CCSER1: variants seen among roughly 807,000 people sequenced by gnomAD.
CCSER1 encodes coiled-coil serine rich protein 1.
CCSER1 carries 41 observed loss-of-function variants against 82.0 expected under a neutral mutation model. The observed-to-expected ratio is 0.50, with a 90% CI of 0.39 to 0.65. The LOEUF is 0.65. Ranked by LOEUF, CCSER1 falls within the 30% of genes least tolerant of loss-of-function variation. The pLI is 0.00. For missense variants in CCSER1, 1,119 were observed against 1,064.2 expected, an observed-to-expected ratio of 1.05 and a Z score of -0.72; for synonymous variants, 414 against 383.9, an observed-to-expected ratio of 1.08 and a Z score of -0.92.
At chr4:90,480,689 T>G (rs28789430) in intron 5 of CCSER1, among the ~76,000 whole-genome samples, 18,856 of 152,018 alleles carry the variant, frequency 0.12, 1,834 homozygotes, top group African/African-American at 0.27. Flanking sequence ...GATGGTTGCA[T>G]ATGTGTGGGA....
rs770013398 is a variant in CCSER1 at position 91,411,491 on chromosome 4, CATATATATATATATAT to C, written c.2218-187061_2218-187046del. On this transcript the variant is annotated intron_variant, in intron 10 of 10. Coordinates refer to ENST00000509176, the MANE Select transcript of CCSER1 (RefSeq NM_001145065.2). ...TAATCACTAAATTTCTGCATATATA[CATATATATATATATAT>C]ATATATATATATATATATAAAATCT... Among the ~76,000 whole-genome samples, 99 of 53,792 alleles carry C rather than the reference CATATATATATATATAT, an allele frequency of 1.8e-3. 4 individuals carry two copies. The highest frequency in any genetic ancestry group is 0.02 in the Middle Eastern group (2 of 100). The allele number at this position is 53,792 out of a possible 152,430, so 35.3% of individuals were successfully genotyped here.
At chr4:90,470,246 G>A (rs1258759669) in intron 5 of CCSER1, among the ~76,000 whole-genome samples, 1 of 152,026 alleles carries the variant, frequency 6.6e-6, no homozygotes, top group African/African-American at 2.4e-5. Flanking sequence ...AGCAGACCTG[G>A]AAGGTATATA....
intron 5 of CCSER1, among the ~76,000 whole-genome samples, chr4:90,485,168 C>G (rs771036515): frequency 4.6e-5 from 7 of 152,252 alleles, no homozygotes; most frequent in Admixed American, 3.9e-4. Context: ...GTAGGACCCT[C>G]TGAGCCAGTT....
At chr4:91,475,306 G>T (rs1234876022) in intron 10 of CCSER1, among the ~76,000 whole-genome samples, 1 of 151,686 alleles carries the variant, frequency 6.6e-6, no homozygotes, top group Non-Finnish European at 1.5e-5. Context: ...ATAGATATAG[G>T]GATAGTAAAT....
At chr4:91,123,091 C>G (rs149006363) in intron 10 of CCSER1, among the ~76,000 whole-genome samples, 1 of 151,580 alleles carries the variant, frequency 6.6e-6, no homozygotes, top group Non-Finnish European at 1.5e-5. Flanking sequence ...CATGCTTGTT[C>G]AATGATACCT....
Position 91,002,520 on chromosome 4 carries a change from T to C in CCSER1, c.2172+79073T>C, listed in dbSNP as rs577012291. 4.6e-5 allele frequency among the ~76,000 whole-genome samples: 7 copies of C among 152,348 alleles called. No individual in the cohort carries two copies. In the South Asian group the frequency reaches 1.4e-3, roughly 32 times the overall value. The stretch of plus-strand genomic sequence containing the variant: ...CTTCAAGCTCAGAAGTTCTTTATTC[T>C]GCTTGCTCCAGTCTGTTGCTGAGAA... On this transcript the variant is annotated intron_variant, in intron 9 of 10. Transcript: ENST00000509176.
intron 10 of CCSER1, among the ~76,000 whole-genome samples, chr4:91,242,988 T>C (rs1422962490): frequency 6.6e-6 from 1 of 152,196 alleles, no homozygotes; most frequent in Non-Finnish European, 1.5e-5. Flanking sequence ...TAACTTCATA[T>C]GGCTAAAAGA....
intron 1 of CCSER1, among the ~76,000 whole-genome samples, chr4:90,203,214 A>G (rs1466606481): frequency 6.6e-6 from 1 of 152,108 alleles, no homozygotes; most frequent in Non-Finnish European, 1.5e-5. Context: ...TTTTTTTATT[A>G]GACTTTAAGT....
intron 1 of CCSER1, among the ~76,000 whole-genome samples, chr4:90,183,547 A>G (rs1338522568): frequency 6.6e-6 from 1 of 152,136 alleles, no homozygotes; most frequent in Non-Finnish European, 1.5e-5. Context: ...GCACACACAC[A>G]TGCATGCACA....
chr4:90,460,490 T>A (rs1223881131), intron 4 of CCSER1, among the ~76,000 whole-genome samples: 2 of 152,028 alleles, frequency 1.3e-5, no homozygotes, highest in Non-Finnish European at 2.9e-5. Context: ...TTGGGTGATA[T>A]GAGGTAAGCC....
At chr4:91,275,029 C>T (rs1301888724) in intron 10 of CCSER1, among the ~76,000 whole-genome samples, 2 of 151,840 alleles carry the variant, frequency 1.3e-5, no homozygotes, top group African/African-American at 2.4e-5. Flanking sequence ...TGGTGTGAGC[C>T]CGGGAGGCAG....
Position 90,809,528 on chromosome 4 carries a change from A to C in CCSER1, c.2011-6234A>C, listed in dbSNP as rs1757971508. Among the ~76,000 whole-genome samples, 6 of 152,260 alleles carry C rather than the reference A, an allele frequency of 3.9e-5. No individual in the cohort carries two copies. The South Asian group carries it at 1.2e-3, about 32-fold the overall frequency. ...GTGATATAATAGACACTGGAGACTTAGAAGCAGGGAAGTGTGAAGGGAGTG... is the reference window on the plus strand; with the variant it reads ...GTGATATAATAGACACTGGAGACTTCGAAGCAGGGAAGTGTGAAGGGAGTG... On this transcript the variant is annotated intron_variant, in intron 7 of 10. Coordinates refer to ENST00000509176, the MANE Select transcript of CCSER1 (RefSeq NM_001145065.2).
intron 4 of CCSER1, among the ~76,000 whole-genome samples, chr4:90,454,582 A>G (rs2153580135): frequency 6.6e-6 from 1 of 152,170 alleles, no homozygotes; most frequent in Admixed American, 6.5e-5. Flanking sequence ...TTCCTCTTCC[A>G]TTCTCCCATT....
chr4:90,953,155 C>T (rs6851563), intron 9 of CCSER1, among the ~76,000 whole-genome samples: 31,360 of 151,688 alleles, frequency 0.21, 3,739 homozygotes, highest in Non-Finnish European at 0.26. Flanking sequence ...ATTTTGTCAT[C>T]TAGTTAACTT....
At chr4:91,107,772 G>A (rs1725765357) in intron 10 of CCSER1, among the ~76,000 whole-genome samples, 1 of 151,942 alleles carries the variant, frequency 6.6e-6, no homozygotes, top group African/African-American at 2.4e-5. Flanking sequence ...TTGTGTGTGG[G>A]AAAGACATTA....
intron 3 of CCSER1, among the ~76,000 whole-genome samples, chr4:90,322,497 A>G (rs1394954804): frequency 6.6e-6 from 1 of 151,998 alleles, no homozygotes; most frequent in African/African-American, 2.4e-5. Flanking sequence ...TTTTAGGATC[A>G]TTTTTCTATA....
intron 4 of CCSER1, among the ~76,000 whole-genome samples, chr4:90,419,262 GATACA>G (rs1270114135): frequency 6.6e-6 from 1 of 151,828 alleles, no homozygotes; most frequent in Non-Finnish European, 1.5e-5. Flanking sequence ...CTTCAAAAGG[GATACA>G]ATACCTGTTA....
At chr4:91,143,625 T>G (rs1729259281) in intron 10 of CCSER1, among the ~76,000 whole-genome samples, 1 of 152,134 alleles carries the variant, frequency 6.6e-6, no homozygotes, top group Admixed American at 6.6e-5. Flanking sequence ...AGATGGCTCT[T>G]ATTATTTTAA....
intron 7 of CCSER1, among the ~76,000 whole-genome samples, chr4:90,738,630 G>A (rs956903688): frequency 6.6e-6 from 1 of 152,062 alleles, no homozygotes; most frequent in African/African-American, 2.4e-5. Flanking sequence ...TATGACCAAT[G>A]CCTGGCTATC....
Sources: allele counts gnomAD v4.1 joint callset (sites outside exome capture counted in the v4.1 genomes callset), GRCh38; gene constraint gnomAD v4.1.1; transcripts MANE v1.5; gene names NCBI Gene and HGNC (gene_info 2026-07-23, HGNC 2026-07-21).